The following SLC7A14 variants were observed in gnomAD, a reference collection of about 807,000 sequenced individuals.
SLC7A14 encodes the protein gamma-aminobutyric acid transporter SLC7A14.
SLC7A14 carries 37 observed loss-of-function variants against 60.2 expected under a neutral mutation model. The ratio of observed to expected loss-of-function variants is 0.61; its 90% CI spans 0.47 to 0.81. The LOEUF (loss-of-function observed/expected upper bound fraction) is 0.81, where lower values mean the gene tolerates loss of function less well. SLC7A14 is among the 30% of genes least tolerant of loss of function. SLC7A14 has a pLI of 0.00. For synonymous variants in SLC7A14, 399 were observed against 395.8 expected, an observed-to-expected ratio of 1.01 and a Z score of -0.10; for missense variants, 886 against 982.7, an observed-to-expected ratio of 0.90 and a Z score of 1.32.
intron 7 of SLC7A14, among the ~76,000 whole-genome samples, chr3:170,471,477 A>G (rs1375389740): frequency 2.0e-5 from 3 of 152,190 alleles, no homozygotes; most frequent in African/African-American, 4.8e-5. Flanking sequence ...TGCATCTCTA[A>G]AAAAAGCAGT....
intron 2 of SLC7A14, among the ~76,000 whole-genome samples, chr3:170,521,999 T>C (rs1439823584): frequency 2.0e-5 from 3 of 151,846 alleles, no homozygotes; most frequent in Non-Finnish European, 4.4e-5. Context: ...GGATGACAAA[T>C]AAACTCATAG....
chr3:170,561,411 G>A (rs551377679), intron 1 of SLC7A14, among the ~76,000 whole-genome samples: 2 of 152,284 alleles, frequency 1.3e-5, no homozygotes, highest in African/African-American at 4.8e-5. Flanking sequence ...AGGTCCTACT[G>A]GGGTGTCATG....
At chr3:170,553,692 G>A (rs1473688934) in intron 1 of SLC7A14, among the ~76,000 whole-genome samples, 1 of 152,238 alleles carries the variant, frequency 6.6e-6, no homozygotes, top group Non-Finnish European at 1.5e-5. Flanking sequence ...GAGCCATAGT[G>A]CAGGGGCTTC....
chr3:170,522,281 C>T (rs2108291529), intron 2 of SLC7A14, among the ~76,000 whole-genome samples: 1 of 152,322 alleles, frequency 6.6e-6, no homozygotes, highest in South Asian at 2.1e-4. Flanking sequence ...AACAACTTCA[C>T]TCCTAAGTAC....
In SLC7A14 at chr3:170,470,308, ATGTGTG is replaced by A. The variant is rs60682275; in HGVS notation, c.1994-2937_1994-2932del. Among the ~76,000 whole-genome samples the A allele has an allele frequency of 3.5e-4, 51 of 143,694 alleles. No homozygotes were observed. The South Asian group carries it at 5.2e-3, about 15-fold the overall frequency. 94.3% of individuals were successfully genotyped at this position (143,694 alleles called of 152,430 possible). On this transcript the variant is annotated intron_variant, in intron 7 of 7. Coordinates refer to ENST00000231706, the MANE Select transcript of SLC7A14 (RefSeq NM_020949.3). Reference sequence around the variant, plus strand: ...GGGAGTGGCCAGGCCTGGAAGGAACATGTGTGTGTGTGTGTGTGTGTGTGTGTGTGT... The same window carrying A: ...GGGAGTGGCCAGGCCTGGAAGGAACATGTGTGTGTGTGTGTGTGTGTGTGT...
chr3:170,492,094 C>T (rs1214405465), intron 4 of SLC7A14, among the ~76,000 whole-genome samples: 1 of 152,238 alleles, frequency 6.6e-6, no homozygotes, highest in East Asian at 1.9e-4. Flanking sequence ...TGTCTCTACC[C>T]AAAGAACCAC....
chr3:170,512,630 A>G (rs916547398), intron 2 of SLC7A14, among the ~76,000 whole-genome samples: 3 of 135,914 alleles, frequency 2.2e-5, no homozygotes, highest in Non-Finnish European at 4.8e-5. Flanking sequence ...TCAGCCTTCT[A>G]TAGGGCACAT....
At chr3:170,516,544 G>A (rs907039153) in intron 2 of SLC7A14, among the ~76,000 whole-genome samples, 9 of 137,670 alleles carry the variant, frequency 6.5e-5, no homozygotes, top group Admixed American at 1.5e-4. Context: ...GTAACACAGC[G>A]ACACCTGTCT....
At chr3:170,544,670 G>C (rs1169681500) in intron 1 of SLC7A14, among the ~76,000 whole-genome samples, 1 of 152,222 alleles carries the variant, frequency 6.6e-6, no homozygotes, top group Non-Finnish European at 1.5e-5. Context: ...TCTACTGAAT[G>C]TGTATCATGT....
At chr3:170,520,304 T>C (rs1184355362) in intron 2 of SLC7A14, among the ~76,000 whole-genome samples, 1 of 152,194 alleles carries the variant, frequency 6.6e-6, no homozygotes, top group Non-Finnish European at 1.5e-5. Flanking sequence ...AATAATGGGT[T>C]ATGCACTTAG....
rs1207260647 is a variant in SLC7A14 at position 170,465,955 on chromosome 3, C to A, written c.*1100G>T. ...AATAACAGGAAAAAAAAATACACCT[C>A]TGAAAGTGAGCTAGCCCCAAGGAAT... On this transcript the variant is annotated 3_prime_UTR_variant, in exon 8 of 8. Transcript: ENST00000231706. 6.6e-6 allele frequency: 1 copy of A among 152,114 alleles called. No homozygotes were observed. The highest frequency in any genetic ancestry group is 1.5e-5 in the Non-Finnish European group (1 of 68,032). 9.4% of individuals were successfully genotyped at this position (152,114 alleles called of 1,614,324 possible).
intron 2 of SLC7A14, among the ~76,000 whole-genome samples, chr3:170,501,974 C>T (rs1433104942): frequency 6.6e-6 from 1 of 152,234 alleles, no homozygotes; most frequent in East Asian, 1.9e-4. Flanking sequence ...GCATATGCCC[C>T]TGCCCTTAAG....
chr3:170,562,103 A>G (rs1052303732), intron 1 of SLC7A14, among the ~76,000 whole-genome samples: 5 of 152,230 alleles, frequency 3.3e-5, no homozygotes, highest in Non-Finnish European at 5.9e-5. Flanking sequence ...AAGAACTAAA[A>G]GTAGATCTAC....
intron 1 of SLC7A14, among the ~76,000 whole-genome samples, chr3:170,568,577 T>C (rs1426848112): frequency 6.6e-6 from 1 of 152,204 alleles, no homozygotes; most frequent in Admixed American, 6.5e-5. Context: ...GGGGATGGCA[T>C]TGAATCTATA....
chr3:170,567,136 C>T (rs1714814832), intron 1 of SLC7A14, among the ~76,000 whole-genome samples: 1 of 147,848 alleles, frequency 6.8e-6, no homozygotes, highest in African/African-American at 2.5e-5. Flanking sequence ...TTAGGTATAT[C>T]TCCTAAAGCT....
intron 1 of SLC7A14, among the ~76,000 whole-genome samples, chr3:170,553,323 C>T (rs1037493502): frequency 6.6e-6 from 1 of 152,178 alleles, no homozygotes; most frequent in African/African-American, 2.4e-5. Flanking sequence ...TCTAGTTCTT[C>T]TGAGACATTG....
At chr3:170,540,844 T>C (rs57959313) in intron 1 of SLC7A14, among the ~76,000 whole-genome samples, 2,872 of 152,290 alleles carry the variant, frequency 0.019, 87 homozygotes, top group African/African-American at 0.064. Flanking sequence ...GAGTTAAAAT[T>C]TTTCCAGACT....
At chr3:170,548,280 A>G (rs887430062) in intron 1 of SLC7A14, among the ~76,000 whole-genome samples, 3 of 152,140 alleles carry the variant, frequency 2.0e-5, no homozygotes, top group African/African-American at 7.2e-5. Flanking sequence ...TCTCCTACCC[A>G]GTGCTTCTAG....
intron 1 of SLC7A14, among the ~76,000 whole-genome samples, chr3:170,578,663 G>C (rs1482933647): frequency 6.6e-6 from 1 of 152,072 alleles, no homozygotes. Context: ...ATTGTTTCCA[G>C]GTAAGGTACT....
Sources: allele counts gnomAD v4.1 joint callset (sites outside exome capture counted in the v4.1 genomes callset), GRCh38; gene constraint gnomAD v4.1.1; transcripts MANE v1.5; gene names NCBI Gene and HGNC (gene_info 2026-07-23, HGNC 2026-07-21).